ABCB7: variants seen among roughly 807,000 people sequenced by gnomAD.
The protein encoded by ABCB7 is iron-sulfur clusters transporter ABCB7, mitochondrial.
ABCB7 carries 7 observed loss-of-function variants against 54.4 expected under a neutral mutation model. That is an observed-to-expected ratio of 0.13 (90% CI 0.07 to 0.24). ABCB7 has a LOEUF of 0.24. Among genes scored for constraint, ABCB7 ranks in the 10% least tolerant of loss-of-function variants. The pLI, the probability that ABCB7 is intolerant of heterozygous loss-of-function variation, is 1.00. For synonymous variants in ABCB7, 218 were observed against 207.1 expected (o/e 1.05, Z -0.45); for missense variants, 356 against 570.4 (o/e 0.62, Z 3.83).
chrX:75,077,304 A>C (rs1327986014), intron 4 of ABCB7, among the ~76,000 whole-genome samples: 1 of 112,154 alleles, frequency 8.9e-6, no homozygotes, highest in African/African-American at 3.2e-5. Context: ...CCCAATTATT[A>C]TCAAAACTAA....
chrX:75,143,795 C>T (rs1485704542), intron 1 of ABCB7, among the ~76,000 whole-genome samples: 1 of 110,571 alleles, frequency 9.0e-6, no homozygotes, highest in Non-Finnish European at 1.9e-5. Flanking sequence ...TATTCACTAT[C>T]ACGAGAACAG....
chrX:75,063,590 C>A lies in ABCB7; in HGVS notation c.1832-1159G>T, dbSNP rs143447967. ...GGCAGGTACCATAAGTACTATCTTC[C>A]CGCCTACCTATCAGCCCAGTAGCAG... On this transcript the variant is annotated intron_variant, in intron 13 of 15. Coordinates refer to ENST00000373394, the MANE Select transcript of ABCB7 (RefSeq NM_001271696.3). Among the ~76,000 whole-genome samples, 1,105 of 110,708 alleles carry A rather than the reference C, an allele frequency of 1.0e-2. 14 individuals carry two copies. The highest frequency in any genetic ancestry group is 0.034 in the African/African-American group (1,024 of 30,494).
chrX:75,088,877 A>AC (rs770903328), intron 4 of ABCB7, among the ~76,000 whole-genome samples: 11 of 108,899 alleles, frequency 1.0e-4, no homozygotes, highest in African/African-American at 3.0e-4. Flanking sequence ...AACAACAACA[A>AC]AAAAAAAACT....
intron 9 of ABCB7, among the ~76,000 whole-genome samples, chrX:75,071,195 C>T (rs142861536): frequency 0.029 from 3,158 of 109,726 alleles, 115 homozygotes; most frequent in African/African-American, 0.1. Flanking sequence ...AACACTAAAT[C>T]AATTACATTG....
chrX:75,094,019 C>CATATACATAT (rs1555949284), intron 4 of ABCB7, among the ~76,000 whole-genome samples: 27 of 46,005 alleles, frequency 5.9e-4, no homozygotes, highest in African/African-American at 2.2e-3. Flanking sequence ...CTGTTATATA[C>CATATACATAT]ATATATATAT....
intron 4 of ABCB7, among the ~76,000 whole-genome samples, chrX:75,080,207 T>C (rs1339629231): frequency 1.8e-5 from 2 of 112,230 alleles, no homozygotes; most frequent in Non-Finnish European, 3.8e-5. Context: ...TTTCCATTCA[T>C]CTGGGAAAAG....
rs776059629 is a variant in ABCB7, at chrX:75,156,108, G to A, written c.165C>T (p.Tyr55=). Reference sequence around the variant, plus strand: ...TTCCATGTCAGTGGCATCTCACCTGGTAGGCTCGAGCGGTTCCCAAGGCGC... The same window carrying A: ...TTCCATGTCAGTGGCATCTCACCTGATAGGCTCGAGCGGTTCCCAAGGCGC... ...QLGALGTARA[Y]QIPESLKSIT... The change falls in exon 1 of 16, where the codon TAC becomes TAT. Residue 55 remains tyrosine (Y), a synonymous_variant. Coordinates refer to ENST00000373394, the MANE Select transcript of ABCB7 (RefSeq NM_001271696.3). The A allele has an allele frequency of 8.3e-7, 1 of 1,208,091 alleles. No individual in the cohort carries two copies. Among genetic ancestry groups the A allele is most frequent in the Non-Finnish European group, 1.1e-6 (1 of 894,479 alleles).
chrX:75,115,410 C>CTTTTCTTTTT (rs2081806055), intron 1 of ABCB7, among the ~76,000 whole-genome samples: 1 of 30,187 alleles, frequency 3.3e-5, no homozygotes, highest in Non-Finnish European at 5.5e-5. Flanking sequence ...TGTCTCTTTT[C>CTTTTCTTTTT]TTTTTTTTTT....
chrX:75,065,875 T>C (rs1281974931), intron 12 of ABCB7, among the ~76,000 whole-genome samples: 6 of 111,404 alleles, frequency 5.4e-5, no homozygotes, highest in South Asian at 3.8e-4. Flanking sequence ...CGCTAACCAA[T>C]AGCATATGAG....
intron 1 of ABCB7, among the ~76,000 whole-genome samples, chrX:75,128,307 C>T (rs1221308117): frequency 7.2e-5 from 8 of 111,199 alleles, no homozygotes; most frequent in African/African-American, 9.8e-5. Flanking sequence ...CATCTACAAC[C>T]ATCTGATCTT....
At chrX:75,091,058 C>T (rs1311838483) in intron 4 of ABCB7, among the ~76,000 whole-genome samples, 1 of 111,218 alleles carries the variant, frequency 9.0e-6, no homozygotes. Flanking sequence ...GATGTGAATT[C>T]TCTATAATTT....
chrX:75,110,490 T>G (rs1228616962), intron 3 of ABCB7, among the ~76,000 whole-genome samples: 1 of 111,988 alleles, frequency 8.9e-6, no homozygotes, highest in Non-Finnish European at 1.9e-5. Flanking sequence ...TTTCACTTCT[T>G]CTGATTACAT....
chrX:75,152,274 G>A (rs978195815), intron 1 of ABCB7, among the ~76,000 whole-genome samples: 7 of 111,922 alleles, frequency 6.3e-5, no homozygotes, highest in African/African-American at 2.3e-4. Flanking sequence ...TCATTGGGAG[G>A]TGATTAGGAC....
At chrX:75,130,328 T>C (rs999754387) in intron 1 of ABCB7, among the ~76,000 whole-genome samples, 4 of 112,219 alleles carry the variant, frequency 3.6e-5, no homozygotes, top group African/African-American at 1.3e-4. Context: ...GCAAAAACTG[T>C]CAGATCTCAA....
intron 1 of ABCB7, among the ~76,000 whole-genome samples, chrX:75,123,766 T>C (rs936619745): frequency 4.5e-5 from 5 of 111,534 alleles, no homozygotes; most frequent in Non-Finnish European, 9.4e-5. Context: ...TTCTTTTTGA[T>C]GCTATGGTAA....
chrX:75,122,858 T>TGG (rs1460936316), intron 1 of ABCB7, among the ~76,000 whole-genome samples: 15 of 33,226 alleles, frequency 4.5e-4, no homozygotes, highest in African/African-American at 1.3e-3. Context: ...ATTTTAAAAT[T>TGG]GGGGTGTGTG....
At chrX:75,115,494 C>T (rs996715925) in intron 1 of ABCB7, among the ~76,000 whole-genome samples, 1 of 85,192 alleles carries the variant, frequency 1.2e-5, no homozygotes, top group Non-Finnish European at 2.2e-5. Context: ...TCTTAAATGG[C>T]TTTTATGCTC....
At chrX:75,103,676 G>A (rs1373717285) in intron 3 of ABCB7, among the ~76,000 whole-genome samples, 3 of 108,988 alleles carry the variant, frequency 2.8e-5, no homozygotes, top group East Asian at 5.7e-4. Flanking sequence ...TATCCTTGTA[G>A]AGATCTTGCA....
Position 75,113,044 on chromosome X carries a change from C to T in ABCB7, c.247-72G>A, listed in dbSNP as rs916524838. 2.7e-5 allele frequency: 25 copies of T among 920,097 alleles called. No homozygotes were observed. The South Asian group carries it at 4.7e-4, about 17-fold the overall frequency. 75.8% of individuals were successfully genotyped at this position (920,097 alleles called of 1,213,427 possible). On this transcript the variant is annotated intron_variant, in intron 2 of 15. Coordinates refer to ENST00000373394, the MANE Select transcript of ABCB7 (RefSeq NM_001271696.3). Reference sequence around the variant, plus strand: ...CAGATGTTTCACAATTTGGCTTGAACAGTCTAATCTAATGAACGTTTCCAA... The same window carrying T: ...CAGATGTTTCACAATTTGGCTTGAATAGTCTAATCTAATGAACGTTTCCAA...
Sources: gnomAD v4.1 joint callset for allele counts (sites outside exome capture counted in the v4.1 genomes callset) on GRCh38, gnomAD v4.1.1 for gene constraint, MANE v1.5 for transcripts, NCBI Gene and HGNC (gene_info 2026-07-23, HGNC 2026-07-21) for gene names.